LARP4: variants seen among roughly 807,000 people sequenced by gnomAD.
The protein encoded by LARP4 is La ribonucleoprotein 4, also known as la-related protein 4.
Under a neutral mutation model 92.9 loss-of-function variants are expected in LARP4, and 29 were observed. That is an observed-to-expected ratio of 0.31 (90% confidence interval 0.23 to 0.43). The LOEUF is 0.43. Ranked by LOEUF, LARP4 falls within the 20% of genes least tolerant of loss-of-function variation. LARP4 has a pLI of 1.00. For missense variants in LARP4, 732 were observed against 860.0 expected (o/e 0.85, Z 1.86); for synonymous variants, 279 against 284.1 (o/e 0.98, Z 0.18).
In LARP4 at chr12:50,401,018, T is replaced by A; in HGVS notation, c.8T>A (p.Leu3His). ...GGCTGAGCAGAGGACGACATGTTGC[T>A]TTTCGTGGAGGTGAGTGCATTATGC... ML[L>H]FVEQVASKGT... The change falls in exon 1 of 16, where the codon CTT becomes CAT. Residue 3 changes from leucine (L) to histidine (H), a missense_variant. Physicochemically the swap from Leu to His is moderately conservative, Grantham distance 99. Around this residue, in one of 7 missense-constraint regions of LARP4, gnomAD observed 236 missense variants for 307.6 expected, o/e 0.77. Coordinates refer to ENST00000398473, the MANE Select transcript of LARP4 (RefSeq NM_052879.5). The A allele has an allele frequency of 6.2e-7, 1 of 1,614,134 alleles. No individual in the cohort carries two copies.
At chr12:50,426,817 C>T (rs1948868429) in intron 1 of LARP4, among the ~76,000 whole-genome samples, 1 of 148,840 alleles carries the variant, frequency 6.7e-6, no homozygotes, top group Non-Finnish European at 1.5e-5. Flanking sequence ...CAGCTCACTG[C>T]AACCTCTGTC....
At chr12:50,440,375 C>A (rs1374193573) in intron 6 of LARP4, 64 bp from the exon 7 acceptor site, 1 of 1,196,740 alleles carries the variant, frequency 8.4e-7, no homozygotes, top group Non-Finnish European at 1.2e-6. Context: ...AGTAAACAAA[C>A]CAACAAAAAA....
At chr12:50,461,975 TA>T in intron 11 of LARP4, among the ~76,000 whole-genome samples, 1 of 151,998 alleles carries the variant, frequency 6.6e-6, no homozygotes, top group East Asian at 1.9e-4. Context: ...AAATAAACTA[TA>T]GGGGTGAGGT....
chr12:50,407,378 G>GT (rs1945050041), intron 1 of LARP4, among the ~76,000 whole-genome samples: 1 of 152,160 alleles, frequency 6.6e-6, no homozygotes, highest in Non-Finnish European at 1.5e-5. Flanking sequence ...TAACTTCTAA[G>GT]TTTTCATCTC....
chr12:50,468,270 G>A (rs939410670), intron 13 of LARP4, among the ~76,000 whole-genome samples: 1 of 149,688 alleles, frequency 6.7e-6, no homozygotes, highest in Admixed American at 6.8e-5. Context: ...GAGCCACTGC[G>A]CCCGGCCCTG....
chr12:50,405,614 G>A (rs1245371605), intron 1 of LARP4, among the ~76,000 whole-genome samples: 3 of 151,788 alleles, frequency 2.0e-5, no homozygotes, highest in Non-Finnish European at 4.4e-5. Context: ...ATTTTTTGTA[G>A]AGACAGGGTT....
chr12:50,421,475 C>A (rs572333789), intron 1 of LARP4, among the ~76,000 whole-genome samples: 1 of 151,742 alleles, frequency 6.6e-6, no homozygotes, highest in South Asian at 2.1e-4. Flanking sequence ...AATCCCGTCT[C>A]TACTAAAAAT....
At chr12:50,429,387 AT>A (rs1292023757) in intron 3 of LARP4, among the ~76,000 whole-genome samples, 1 of 152,048 alleles carries the variant, frequency 6.6e-6, no homozygotes, top group Non-Finnish European at 1.5e-5. Flanking sequence ...AGGCGGGCAG[AT>A]CACTTGAGGT....
intron 9 of LARP4, 97 bp downstream of exon 9, chr12:50,453,769 T>G: frequency 1.3e-6 from 1 of 753,766 alleles, no homozygotes; most frequent in Non-Finnish European, 2.1e-6. Flanking sequence ...ATGTTGACAT[T>G]GATGACTTTT....
intron 8 of LARP4, among the ~76,000 whole-genome samples, chr12:50,450,623 C>T (rs1172200363): frequency 3.3e-5 from 5 of 152,004 alleles, no homozygotes; most frequent in Admixed American, 1.3e-4. Context: ...TTCAACCTCC[C>T]GAGTAGCTGG....
rs575746506 is a variant in LARP4, at chr12:50,446,724, G to A, written c.804+5081G>A. 1.1e-4 allele frequency among the ~76,000 whole-genome samples: 17 copies of A among 151,984 alleles called. No homozygotes were observed. The South Asian group carries it at 3.5e-3, about 32-fold the overall frequency. ...TTGGAGGCGTGAGCCACCACACCCGGCCTAGTGGACTGTATTTTTAAAATA... is the reference window on the plus strand; with the variant it reads ...TTGGAGGCGTGAGCCACCACACCCGACCTAGTGGACTGTATTTTTAAAATA... On this transcript the variant is annotated intron_variant, in intron 8 of 15. Transcript: ENST00000398473.
In LARP4 at chr12:50,475,751, G is replaced by T. The variant is rs752631432; in HGVS notation, c.2062G>T (p.Ala688Ser). ...CCGAGGCAATATAATCCCCAGGGGA[G>T]CAGCAGGAAAAATCAGGGAACAGAG... ...GFRGNIIPRG[A>S]AGKIREQRRQ... Residue 688 changes from alanine to serine, a missense_variant, in exon 16 of 16, where the codon GCA becomes TCA. This residue lies in a region of LARP4 where 115 missense variants were observed against 129.1 expected (regional missense o/e 0.89). Coordinates refer to ENST00000398473, the MANE Select transcript of LARP4 (RefSeq NM_052879.5). 6.2e-7 allele frequency: 1 copy of T among 1,614,142 alleles called. No individual in the cohort carries two copies. Among genetic ancestry groups the T allele is most frequent in the Admixed American group, 1.7e-5 (1 of 60,016 alleles).
At chr12:50,440,267 C>T (rs866407390) in intron 6 of LARP4, among the ~76,000 whole-genome samples, 172 bp from the exon 7 acceptor site, 1 of 152,120 alleles carries the variant, frequency 6.6e-6, no homozygotes, top group Non-Finnish European at 1.5e-5. Context: ...CCTATTAACT[C>T]TGTATTTGTT....
In LARP4 at chr12:50,427,018, A is replaced by T. The variant is rs888503697; in HGVS notation, c.19-744A>T. Among the ~76,000 whole-genome samples the T allele has an allele frequency of 2.6e-5, 4 of 152,078 alleles. No individual in the cohort carries two copies. The East Asian group carries it at 7.7e-4, about 29-fold the overall frequency. On this transcript the variant is annotated intron_variant, in intron 1 of 15. Coordinates refer to ENST00000398473, the MANE Select transcript of LARP4 (RefSeq NM_052879.5). ...CTCCCAAAGTATTGGGATTATAGGA[A>T]TGAACCATCGTGCCCTGCCTCAAGA...
rs1204482437 is a variant in LARP4 at position 50,461,420 on chromosome 12, CATA to C, written c.1334+79_1334+81del. The C allele has an allele frequency of 1.2e-5, 15 of 1,284,248 alleles. No homozygotes were observed. The African/African-American group carries it at 1.8e-4, about 15-fold the overall frequency. The allele number at this position is 1,284,248 out of a possible 1,614,324, so 79.6% of individuals were successfully genotyped here. A position where few individuals can be genotyped will look rare whatever the true frequency, so the allele number is the denominator to read the frequency against. On this transcript the variant is annotated intron_variant, in intron 11 of 15. Transcript: ENST00000398473. ...CTGAATAATTGAAGAACATGATCTT[CATA>C]ATAATTAAATGAGCATTTAATTATT...
intron 1 of LARP4, among the ~76,000 whole-genome samples, chr12:50,425,213 A>G (rs1948530322): frequency 6.6e-6 from 1 of 152,216 alleles, no homozygotes; most frequent in African/African-American, 2.4e-5. Context: ...CATAACTACT[A>G]TGCATAGCAA....
At chr12:50,403,469 G>C (rs1415995934) in intron 1 of LARP4, among the ~76,000 whole-genome samples, 1 of 152,072 alleles carries the variant, frequency 6.6e-6, no homozygotes, top group Non-Finnish European at 1.5e-5. Context: ...TATTGTTAAC[G>C]TATTGCTATA....
rs752025559 is a variant in LARP4, at chr12:50,430,537, G to A, written c.365G>A (p.Cys122Tyr). 7.5e-6 allele frequency: 12 copies of A among 1,607,476 alleles called. No individual in the cohort carries two copies. The highest frequency in any genetic ancestry group is 1.0e-5 in the Non-Finnish European group (12 of 1,175,640). Reference protein sequence around the residue: ...SAVSTEDLKECLKKQLEFCFS... With the variant: ...SAVSTEDLKEYLKKQLEFCFS... ...GTTTCTACAGAAGACCTAAAAGAAT[G>A]TCTGAAGAAACAATTAGAATTCTGT... Residue 122 changes from cysteine to tyrosine, a missense_variant, in exon 4 of 16, where the codon TGT becomes TAT. Coordinates refer to ENST00000398473, the MANE Select transcript of LARP4 (RefSeq NM_052879.5).
chr12:50,462,546 C>T, intron 11 of LARP4, 36 bp from the exon 12 acceptor site: 2 of 1,084,150 alleles, frequency 1.8e-6, no homozygotes, highest in Non-Finnish European at 2.8e-6. Flanking sequence ...CTTGTCCCTC[C>T]ACCCCACCCC....
Sources: gnomAD v4.1 joint callset for allele counts (sites outside exome capture counted in the v4.1 genomes callset) on GRCh38, gnomAD v4.1.1 for gene constraint, gnomAD v4.1.1 regional missense constraint, MANE v1.5 for transcripts, NCBI Gene and HGNC (gene_info 2026-07-23, HGNC 2026-07-21) for gene names.